LUZP4: variants seen among roughly 807,000 people sequenced by gnomAD.
LUZP4 encodes leucine zipper protein 4, also known as HOM-TES-85 tumor antigen.
Under a neutral mutation model 8.5 loss-of-function variants are expected in LUZP4, and 11 were observed. That is an observed-to-expected ratio of 1.30 (90% CI 0.82 to 2.14). LUZP4 has a LOEUF of 2.14. Among genes scored for constraint, LUZP4 ranks in the 30% most tolerant of loss-of-function variants. The pLI is 0.00. For synonymous variants in LUZP4, 104 were observed against 79.4 expected (o/e 1.31, Z -1.65); for missense variants, 276 against 229.7 (o/e 1.20, Z -1.30).
chrX:115,301,116 T>C (rs782345375), intron 1 of LUZP4, among the ~76,000 whole-genome samples: 14 of 111,196 alleles, frequency 1.3e-4, no homozygotes, highest in Admixed American at 3.8e-4. Flanking sequence ...CCTTTTCAGC[T>C]CTTCTTTTCT....
At position 115,306,670 on chromosome X, in the gene LUZP4, C is replaced by A. The variant is rs2073424155; in HGVS notation, c.808C>A (p.Gln270Lys). ...IATQRDLIAT[Q>K]RDLIVTQRDL... ...CACTCAGAGAGATCTCATAGCCACT[C>A]AGAGAGATCTCATAGTCACTCAGAG... Residue 270 changes from glutamine to lysine, a missense_variant, in exon 4 of 4, where the codon CAG becomes AAG. Physicochemically the swap from Gln to Lys is moderately conservative, Grantham distance 53. Transcript: ENST00000371920. 7 of 1,209,201 alleles carry A rather than the reference C, an allele frequency of 5.8e-6. No individual in the cohort carries two copies. In the East Asian group the frequency reaches 2.1e-4, roughly 36 times the overall value.
intron 3 of LUZP4, among the ~76,000 whole-genome samples, chrX:115,303,669 A>T (rs1453588128): frequency 1.8e-5 from 2 of 112,315 alleles, no homozygotes; most frequent in African/African-American, 6.5e-5. Context: ...GCCAAAATAG[A>T]TTATTAATTA....
chrX:115,297,753 C>A (rs1369227429), intron 1 of LUZP4, among the ~76,000 whole-genome samples: 1 of 110,815 alleles, frequency 9.0e-6, no homozygotes, highest in East Asian at 2.8e-4. Context: ...GTTAAATCTG[C>A]TTGGTGTTCT....
At chrX:115,291,924 A>G (rs1052780219) in intron 1 of LUZP4, among the ~76,000 whole-genome samples, 5 of 104,786 alleles carry the variant, frequency 4.8e-5, no homozygotes, top group African/African-American at 1.7e-4. Flanking sequence ...TTCATCTCAG[A>G]AAAAAAAAAA....
intron 1 of LUZP4, among the ~76,000 whole-genome samples, chrX:115,295,968 G>A (rs1263357890): frequency 1.8e-5 from 2 of 111,948 alleles, no homozygotes; most frequent in African/African-American, 6.5e-5. Flanking sequence ...TAATCTAGCT[G>A]GAGAGACAGC....
chrX:115,302,124 G>A lies in LUZP4; in HGVS notation c.223+1G>A. On this transcript the variant is annotated splice_donor_variant, in intron 2 of 3. Transcript: ENST00000371920. LOFTEE classifies it high-confidence loss of function. The stretch of plus-strand genomic sequence containing the variant: ...GCTCATAGACATCGCCATCGGAGAG[G>A]TAAAGTATGCTGAAAATAGTCACAC... 8.5e-7 allele frequency: 1 copy of A among 1,173,742 alleles called. No homozygotes were observed.
chrX:115,296,722 A>C (rs781985331), intron 1 of LUZP4, among the ~76,000 whole-genome samples: 3 of 111,424 alleles, frequency 2.7e-5, no homozygotes, highest in Non-Finnish European at 3.8e-5. Flanking sequence ...CCAACAAATC[A>C]AATGGTGGTC....
At position 115,289,817 on chromosome X, in the gene LUZP4, C is replaced by A; in HGVS notation, c.58C>A (p.Arg20=). The A allele has an allele frequency of 8.3e-7, 1 of 1,207,591 alleles. No homozygotes were observed. ...SEKVPPNHPS[R]KKVNFLDMSL... ...AAAAGTGCCGCCAAATCATCCCAGT[C>A]GGAAAAAGGTTAACTTCCTAGATAT... The change falls in exon 1 of 4, where the codon CGG becomes AGG. Residue 20 remains arginine (R), a synonymous_variant. Coordinates refer to ENST00000371920, the MANE Select transcript of LUZP4 (RefSeq NM_016383.5).
Position 115,300,593 on chromosome X carries a change from G to A in LUZP4, c.92-1399G>A, listed in dbSNP as rs188806909. ...GAGAGGTTTGTGGGAACTCATGTTC[G>A]GGCTGCCGGGATGGGTGATTCCTCT... On this transcript the variant is annotated intron_variant, in intron 1 of 3. Transcript: ENST00000371920. Among the ~76,000 whole-genome samples, 361 of 111,565 alleles carry A rather than the reference G, an allele frequency of 3.2e-3. 1 individual carries two copies. Among genetic ancestry groups the A allele is most frequent in the Non-Finnish European group, 4.8e-3 (256 of 53,037 alleles).
At chrX:115,291,391 G>A (rs1165024371) in intron 1 of LUZP4, among the ~76,000 whole-genome samples, 2 of 111,486 alleles carry the variant, frequency 1.8e-5, no homozygotes, top group Admixed American at 9.5e-5. Context: ...GAGCCACTGC[G>A]CCTGGCCAAG....
chrX:115,303,414 A>G lies in LUZP4; in HGVS notation c.338A>G (p.Glu113Gly), dbSNP rs782344084. The G allele has an allele frequency of 3.7e-6, 4 of 1,094,142 alleles. No individual in the cohort carries two copies. Among genetic ancestry groups the G allele is most frequent in the South Asian group, 4.4e-5 (2 of 45,784 alleles). The allele number at this position is 1,094,142 out of a possible 1,213,427, so 90.2% of individuals were successfully genotyped here. Residue 113 changes from glutamate to glycine, a missense_variant, in exon 3 of 4, where the codon GAG (glutamate) becomes GGG (glycine). By Grantham distance (98) the Glu-to-Gly change is moderately conservative. Coordinates refer to ENST00000371920, the MANE Select transcript of LUZP4 (RefSeq NM_016383.5). ...CCTTTAAATGGGCAGCCTTTAATTG[A>G]GCAGGTAGATAAGTACCAAGAATTA... ...QHPLNGQPLI[E>G]QEKCSDNYEA...
intron 1 of LUZP4, among the ~76,000 whole-genome samples, chrX:115,297,089 G>C (rs1164369278): frequency 1.8e-5 from 2 of 111,718 alleles, no homozygotes; most frequent in African/African-American, 6.5e-5. Context: ...TTCATCCTCT[G>C]AGTTACAGAC....
Position 115,307,102 on chromosome X carries a change from C to G in LUZP4, c.*298C>G, listed in dbSNP as rs1386212973. ...CAATTAGAATATTTTGACTTAGTGT[C>G]CTGTCCCCCTTGGACGTTCCAACTT... On this transcript the variant is annotated 3_prime_UTR_variant, in exon 4 of 4. Transcript: ENST00000371920. 6.7e-6 allele frequency: 2 copies of G among 297,372 alleles called. No individual in the cohort carries two copies. The highest frequency in any genetic ancestry group is 1.2e-5 in the Non-Finnish European group (2 of 167,249). 24.5% of individuals were successfully genotyped at this position (297,372 alleles called of 1,213,427 possible). A position where few individuals can be genotyped will look rare whatever the true frequency, so the allele number is the denominator to read the frequency against.
chrX:115,300,392 TA>T (rs1330245327), intron 1 of LUZP4, among the ~76,000 whole-genome samples: 17 of 112,127 alleles, frequency 1.5e-4, no homozygotes, highest in African/African-American at 5.2e-4. Context: ...GCTGATGAGC[TA>T]AAAAAAATTG....
At chrX:115,294,938 A>T (rs996953585) in intron 1 of LUZP4, among the ~76,000 whole-genome samples, 18 of 112,077 alleles carry the variant, frequency 1.6e-4, no homozygotes, top group Admixed American at 1.5e-3. Flanking sequence ...TTGGTTCTCT[A>T]TATCCATATT....
At position 115,306,846 on chromosome X, in the gene LUZP4, A is replaced by G. The variant is rs2073425877; in HGVS notation, c.*42A>G. ...TTGAATTCTGTGGAAATAGAAAAGC[A>G]TATATCTATATTCTAATGGCTAAAT... On this transcript the variant is annotated 3_prime_UTR_variant, in exon 4 of 4. Coordinates refer to ENST00000371920, the MANE Select transcript of LUZP4 (RefSeq NM_016383.5). 1 of 1,096,541 alleles carries G rather than the reference A, an allele frequency of 9.1e-7. No individual in the cohort carries two copies. Among genetic ancestry groups the G allele is most frequent in the African/African-American group, 1.8e-5 (1 of 55,562 alleles). The allele number at this position is 1,096,541 out of a possible 1,213,427, so 90.4% of individuals were successfully genotyped here. A position where few individuals can be genotyped will look rare whatever the true frequency, so the allele number is the denominator to read the frequency against.
rs782712614 is a variant in LUZP4 at position 115,306,476 on chromosome X, A to C, written c.614A>C (p.His205Pro). 7.1e-5 allele frequency: 86 copies of C among 1,209,530 alleles called. No homozygotes were observed. The highest frequency in any genetic ancestry group is 8.9e-5 in the Non-Finnish European group (80 of 895,129). ...TCTCATGGTCAATCTGAGAGATCTCATGGCCACTCAGAGAGATCTCATGGT... is the reference window on the plus strand; with the variant it reads ...TCTCATGGTCAATCTGAGAGATCTCCTGGCCACTCAGAGAGATCTCATGGT... ...KRSHGQSERS[H>P]GHSERSHGHS... Residue 205 changes from histidine (H) to proline (P), a missense_variant, in exon 4 of 4, where the codon CAT (histidine) becomes CCT (proline). His to Pro is a moderately conservative substitution (Grantham distance 77). Coordinates refer to ENST00000371920, the MANE Select transcript of LUZP4 (RefSeq NM_016383.5).
intron 1 of LUZP4, among the ~76,000 whole-genome samples, chrX:115,294,823 T>C (rs17260649): frequency 0.13 from 14,955 of 111,179 alleles, 1,001 homozygotes; most frequent in Non-Finnish European, 0.2. Context: ...AGGAAAGATG[T>C]TGAGTTGAAT....
At chrX:115,297,279 G>T (rs2073374840) in intron 1 of LUZP4, among the ~76,000 whole-genome samples, 1 of 111,643 alleles carries the variant, frequency 9.0e-6, no homozygotes, top group Non-Finnish European at 1.9e-5. Context: ...TTCTACTTAG[G>T]ATGAGAGTAG....
Sources: gnomAD v4.1 joint callset for allele counts (sites outside exome capture counted in the v4.1 genomes callset) on GRCh38, gnomAD v4.1.1 for gene constraint, MANE v1.5 for transcripts, NCBI Gene and HGNC (gene_info 2026-07-23, HGNC 2026-07-21) for gene names.